Variants in CLYBL observed in about 807,000 individuals in gnomAD.
CLYBL encodes citramalyl-CoA lyase, also known as citramalyl-CoA lyase, mitochondrial.
A neutral mutation model predicts 38.9 loss-of-function variants in CLYBL; 31 were observed. The observed-to-expected ratio is 0.80, with a 90% CI of 0.60 to 1.08. The LOEUF (loss-of-function observed/expected upper bound fraction) is 1.08, where lower values mean the gene tolerates loss of function less well. Among genes scored for constraint, CLYBL ranks in the 50% least tolerant of loss-of-function variants. The pLI, the probability that CLYBL is intolerant of heterozygous loss-of-function variation, is 0.00. For missense variants in CLYBL, 434 were observed against 411.6 expected, an observed-to-expected ratio of 1.05 and a Z score of -0.47; for synonymous variants, 171 against 158.6, an observed-to-expected ratio of 1.08 and a Z score of -0.59.
chr13:99,887,202 C>T (rs754256407), intron 7 of CLYBL, among the ~76,000 whole-genome samples: 61 of 151,984 alleles, frequency 4.0e-4, no homozygotes, highest in Non-Finnish European at 7.1e-4. Flanking sequence ...GCACAAACCA[C>T]GTGGCACTGG....
intron 1 of CLYBL, chr13:99,726,133 C>A (rs570211035): frequency 6.6e-6 from 1 of 152,108 alleles, no homozygotes; most frequent in East Asian, 1.9e-4. Context: ...AGTTTAATAG[C>A]CAATCATAAG....
intron 1 of CLYBL, among the ~76,000 whole-genome samples, chr13:99,719,220 C>T (rs911369210): frequency 1.3e-5 from 2 of 150,304 alleles, no homozygotes; most frequent in Non-Finnish European, 1.5e-5. Context: ...GGTGAGATCA[C>T]GGCAACCTTC....
intron 7 of CLYBL, among the ~76,000 whole-genome samples, chr13:99,871,455 T>A (rs73559354): frequency 0.038 from 5,847 of 152,206 alleles, 188 homozygotes; most frequent in African/African-American, 0.079. Context: ...AGGAAAGAAA[T>A]AAATTGCAAG....
chr13:99,837,959 A>G (rs2893010), intron 2 of CLYBL, among the ~76,000 whole-genome samples: 71,299 of 152,046 alleles, frequency 0.47, 16,963 homozygotes, highest in East Asian at 0.55. Context: ...TATTTTTTAC[A>G]TGATATCTCT....
chr13:99,629,956 G>GGTACAGGGCC (rs1438327326), intron 1 of CLYBL, among the ~76,000 whole-genome samples: 1 of 152,164 alleles, frequency 6.6e-6, no homozygotes, highest in African/African-American at 2.4e-5. Flanking sequence ...TAATGGACCT[G>GGTACAGGGCC]TTCAGTCACC....
chr13:99,809,307 A>G (rs150678859), intron 2 of CLYBL, among the ~76,000 whole-genome samples: 11 of 152,216 alleles, frequency 7.2e-5, no homozygotes, highest in African/African-American at 2.6e-4. Flanking sequence ...TGCCTGCATA[A>G]CTCTCCTGAA....
intron 1 of CLYBL, among the ~76,000 whole-genome samples, chr13:99,721,330 C>G (rs1222589928): frequency 6.6e-6 from 1 of 152,056 alleles, no homozygotes; most frequent in Non-Finnish European, 1.5e-5. Context: ...AGGTGTGAGC[C>G]ATGACTCCCG....
intron 2 of CLYBL, among the ~76,000 whole-genome samples, chr13:99,842,518 G>T (rs2051107279): frequency 6.6e-6 from 1 of 152,082 alleles, no homozygotes; most frequent in African/African-American, 2.4e-5. Context: ...CTAGCTTCCT[G>T]TTCTTTCCTT....
chr13:99,798,670 C>T (rs2050069979), intron 2 of CLYBL, among the ~76,000 whole-genome samples: 2 of 152,052 alleles, frequency 1.3e-5, no homozygotes, highest in South Asian at 4.2e-4. Context: ...ATTTGTTTTG[C>T]CTTAGAGATA....
At chr13:99,900,216 C>G (rs2052626038), downstream of CLYBL, among the ~76,000 whole-genome samples, 1 of 152,116 alleles carries the variant, frequency 6.6e-6, no homozygotes, top group South Asian at 2.1e-4. Context: ...CATGAGCCAC[C>G]TGGCCTGGCC....
At chr13:99,816,686 G>A (rs771491131) in intron 2 of CLYBL, among the ~76,000 whole-genome samples, 1 of 152,228 alleles carries the variant, frequency 6.6e-6, no homozygotes, top group Non-Finnish European at 1.5e-5. Context: ...CAGTGAGAAA[G>A]TTCCATCTAT....
intron 7 of CLYBL, among the ~76,000 whole-genome samples, chr13:99,875,040 C>A (rs943913364): frequency 1.3e-5 from 2 of 152,154 alleles, no homozygotes; most frequent in African/African-American, 4.8e-5. Flanking sequence ...CATGGCTGTA[C>A]GTGCTTTGTT....
chr13:99,695,583 G>A (rs988646717), intron 1 of CLYBL, among the ~76,000 whole-genome samples: 1 of 152,024 alleles, frequency 6.6e-6, no homozygotes, highest in African/African-American at 2.4e-5. Context: ...GCAGTGGCGT[G>A]ATCTTGGCTC....
Position 99,864,869 on chromosome 13 carries a change from G to C in CLYBL, c.592G>C (p.Asp198His), listed in dbSNP as rs1460518824. 4 of 1,613,922 alleles carry C rather than the reference G, an allele frequency of 2.5e-6. No homozygotes were observed. In the East Asian group the frequency reaches 6.7e-5, roughly 27 times the overall value. ...CGGGCCTCAAGTAGGTCTCTTTCTA[G>C]ATGCAGTCGTTTTTGGAGGAGAAGA... The part of the protein sequence containing the change: ...KVGPQVGLFL[D>H]AVVFGGEDFR... Residue 198 changes from aspartate to histidine, a missense_variant, in exon 5 of 9, where the codon GAT becomes CAT. By Grantham distance (81) the Asp-to-His change is moderately conservative (BLOSUM62 -1). Coordinates refer to ENST00000339105, the MANE Select transcript of CLYBL (RefSeq NM_206808.5).
At chr13:99,634,126 A>G (rs1332950853) in intron 1 of CLYBL, among the ~76,000 whole-genome samples, 1 of 152,180 alleles carries the variant, frequency 6.6e-6, no homozygotes, top group Non-Finnish European at 1.5e-5. Context: ...GCTGCCTGAG[A>G]AAAAAAGAAG....
chr13:99,751,148 C>G (rs757757819), intron 1 of CLYBL, among the ~76,000 whole-genome samples: 1 of 152,012 alleles, frequency 6.6e-6, no homozygotes, highest in Non-Finnish European at 1.5e-5. Context: ...CATATCCATA[C>G]GATGGAATAT....
chr13:99,799,777 G>A (rs569175516), intron 2 of CLYBL, among the ~76,000 whole-genome samples: 69 of 152,334 alleles, frequency 4.5e-4, no homozygotes, highest in African/African-American at 1.6e-3. Context: ...ATGTACCAAA[G>A]TGGCTAATTA....
intron 1 of CLYBL, among the ~76,000 whole-genome samples, chr13:99,631,058 A>G (rs1289196609): frequency 1.3e-5 from 2 of 152,214 alleles, no homozygotes; most frequent in South Asian, 2.1e-4. Context: ...GTGGTGGCTC[A>G]TGCCTGTAAT....
intron 1 of CLYBL, among the ~76,000 whole-genome samples, chr13:99,636,740 G>A (rs1298500945): frequency 6.6e-6 from 1 of 152,022 alleles, no homozygotes; most frequent in Non-Finnish European, 1.5e-5. Flanking sequence ...TCTTGGGTAG[G>A]GTACAGATAA....
Sources: gnomAD v4.1 joint callset for allele counts (sites outside exome capture counted in the v4.1 genomes callset) on GRCh38, gnomAD v4.1.1 for gene constraint, MANE v1.5 for transcripts, NCBI Gene and HGNC (gene_info 2026-07-23, HGNC 2026-07-21) for gene names.